Variants in GPR107 observed in about 807,000 individuals in gnomAD.
GPR107 encodes the protein G protein-coupled receptor 107, also known as protein GPR107.
A neutral mutation model predicts 75.5 loss-of-function variants in GPR107; 31 were observed. The ratio of observed to expected loss-of-function variants is 0.41; its 90% CI spans 0.31 to 0.55. GPR107 has a LOEUF of 0.55. GPR107 is among the 20% of genes least tolerant of loss of function. The pLI is 0.26. For missense variants in GPR107, 572 were observed against 665.7 expected (o/e 0.86, Z 1.55); for synonymous variants, 267 against 251.3 (o/e 1.06, Z -0.59).
intron 14 of GPR107, among the ~76,000 whole-genome samples, chr9:130,110,045 C>T (rs549418352): frequency 2.4e-4 from 37 of 152,264 alleles, no homozygotes; most frequent in African/African-American, 7.9e-4. Flanking sequence ...CGATCCTGCC[C>T]GTTGATGAAT....
At chr9:130,065,735 C>T (rs1374960964) in intron 1 of GPR107, among the ~76,000 whole-genome samples, 2 of 147,554 alleles carry the variant, frequency 1.4e-5, no homozygotes, top group Non-Finnish European at 3.0e-5. Flanking sequence ...CCCCTGCCCT[C>T]CAGCCTGGGT....
intron 9 of GPR107, among the ~76,000 whole-genome samples, chr9:130,097,061 CCTGTGGAT>C (rs1369688685): frequency 6.6e-6 from 1 of 152,202 alleles, no homozygotes; most frequent in Non-Finnish European, 1.5e-5. Flanking sequence ...CCAAAGATCC[CCTGTGGAT>C]CTGTGCAGCC....
intron 13 of GPR107, among the ~76,000 whole-genome samples, chr9:130,107,010 G>A (rs2132619298): frequency 6.6e-6 from 1 of 152,282 alleles, no homozygotes; most frequent in East Asian, 1.9e-4. Flanking sequence ...AGTGTCCCTG[G>A]AGGCTGGCAT....
intron 4 of GPR107, among the ~76,000 whole-genome samples, chr9:130,078,887 G>T (rs1830422732): frequency 6.6e-6 from 1 of 152,178 alleles, no homozygotes; most frequent in Non-Finnish European, 1.5e-5. Context: ...CATGAGAAGG[G>T]GGAAGGGTGG....
chr9:130,098,764 T>G (rs1295038297), intron 9 of GPR107, among the ~76,000 whole-genome samples: 1 of 152,120 alleles, frequency 6.6e-6, no homozygotes, highest in Non-Finnish European at 1.5e-5. Context: ...TCCCAGCACT[T>G]TGGGAGGCAG....
rs558801032 is a variant in GPR107, at chr9:130,112,540, T to G, written c.1306+5001T>G. On this transcript the variant is annotated intron_variant, in intron 14 of 17. Coordinates refer to ENST00000347136, the MANE Select transcript of GPR107 (RefSeq NM_020960.5). This position sits in a 1 kb window ranked among gnomAD's most constrained non-coding sequence, Gnocchi z 4.0. ...AGGGGGTGAAAAAGGCTCATATCACTTAAGAATGGTCTTGAAATAATAAAA... is the reference window on the plus strand; with the variant it reads ...AGGGGGTGAAAAAGGCTCATATCACGTAAGAATGGTCTTGAAATAATAAAA... Among the ~76,000 whole-genome samples, 21 of 152,276 alleles carry G rather than the reference T, an allele frequency of 1.4e-4. No individual in the cohort carries two copies. The highest frequency in any genetic ancestry group is 5.1e-4 in the African/African-American group (21 of 41,554).
chr9:130,091,749 G>A (rs1830744239), intron 8 of GPR107, among the ~76,000 whole-genome samples: 1 of 150,478 alleles, frequency 6.6e-6, no homozygotes. Context: ...AGGTTGGAGT[G>A]CAGTGGTGCA....
rs903350939 is a variant in GPR107, at chr9:130,112,398, A to G, written c.1306+4859A>G. The stretch of plus-strand genomic sequence containing the variant: ...GGTGTGAGTCTCTTGTGCTGTTGAC[A>G]TTTGCCTGATGGTGAAAAGCAATGA... On this transcript the variant is annotated intron_variant, in intron 14 of 17. Transcript: ENST00000347136. This position sits in a 1 kb window ranked among gnomAD's most constrained non-coding sequence, Gnocchi z 4.0. Among the ~76,000 whole-genome samples the G allele has an allele frequency of 2.6e-5, 4 of 152,144 alleles. No homozygotes were observed. Among genetic ancestry groups the G allele is most frequent in the Admixed American group, 1.3e-4 (2 of 15,268 alleles).
intron 9 of GPR107, among the ~76,000 whole-genome samples, chr9:130,093,725 A>G (rs1292161092): frequency 1.3e-5 from 2 of 151,830 alleles, no homozygotes; most frequent in African/African-American, 4.8e-5. Context: ...TCACACCTGT[A>G]ATCCCAGTGC....
intron 14 of GPR107, among the ~76,000 whole-genome samples, chr9:130,110,105 G>A (rs1355492472): frequency 6.6e-6 from 1 of 152,028 alleles, no homozygotes; most frequent in Non-Finnish European, 1.5e-5. Context: ...CTCCTGACTC[G>A]TCTACCTGTT....
At position 130,097,420 on chromosome 9, in the gene GPR107, G is replaced by A. The variant is rs544815598; in HGVS notation, c.864-2037G>A. ...TCCTCCCGCCTCGGCCTCCCAAAGT[G>A]CTGGGACTACAGGCATGAGCCACTG... On this transcript the variant is annotated intron_variant, in intron 9 of 17. Transcript: ENST00000347136. 3.3e-4 allele frequency among the ~76,000 whole-genome samples: 50 copies of A among 152,148 alleles called. 1 individual carries two copies. In the South Asian group the frequency reaches 0.01, roughly 31 times the overall value.
intron 1 of GPR107, among the ~76,000 whole-genome samples, chr9:130,063,344 C>T (rs1026291828): frequency 1.3e-5 from 2 of 152,140 alleles, no homozygotes; most frequent in Admixed American, 6.5e-5. Context: ...GCGTTTGCCA[C>T]CACATCCGGC....
intron 17 of GPR107, chr9:130,129,334 A>G (rs776429304): frequency 1.3e-5 from 2 of 152,326 alleles, no homozygotes; most frequent in Admixed American, 6.5e-5. Flanking sequence ...GATTAAGCAT[A>G]TTTGCTTGTT....
chr9:130,131,533 C>A (rs1554899086), intron 17 of GPR107, among the ~76,000 whole-genome samples: 1 of 152,130 alleles, frequency 6.6e-6, no homozygotes, highest in Non-Finnish European at 1.5e-5. Flanking sequence ...CCAGGACTCA[C>A]CCAAGCCCAG....
intron 9 of GPR107, among the ~76,000 whole-genome samples, chr9:130,097,082 C>T (rs1458008677): frequency 6.6e-6 from 1 of 152,098 alleles, no homozygotes; most frequent in East Asian, 1.9e-4. Context: ...GTGCAGCCTC[C>T]GAGCTGCAGT....
rs752113003 is a variant in GPR107, at chr9:130,076,429, C to T, written c.273C>T (p.Asp91=). Residue 91 remains aspartate (D), a synonymous_variant, in exon 3 of 18, where the codon GAC becomes GAT. Coordinates refer to ENST00000347136, the MANE Select transcript of GPR107 (RefSeq NM_020960.5). ...CCCATTAGATTGGATTTAGCCTAGA[C>T]CGTACAAAGAATGATGGCTTTTCTT... ...DKDVTIGFSL[D]RTKNDGFSSY... is the part of the protein sequence containing the mutation. 4 of 1,575,236 alleles carry T rather than the reference C, an allele frequency of 2.5e-6. No homozygotes were observed. Among genetic ancestry groups the T allele is most frequent in the South Asian group, 1.1e-5 (1 of 90,282 alleles).
intron 4 of GPR107, 75 bp downstream of exon 4, chr9:130,077,453 C>T: frequency 2.5e-6 from 2 of 801,424 alleles, no homozygotes; most frequent in Non-Finnish European, 4.5e-6. Flanking sequence ...GCTAACATTC[C>T]TTGGGTGTCT....
intron 17 of GPR107, chr9:130,133,132 T>A (rs1439541440): frequency 1.3e-5 from 2 of 152,218 alleles, no homozygotes; most frequent in Non-Finnish European, 2.9e-5. Flanking sequence ...GAAGACCATC[T>A]CTTCTCCTGG....
At chr9:130,065,860 G>A (rs981850249) in intron 1 of GPR107, among the ~76,000 whole-genome samples, 1 of 151,518 alleles carries the variant, frequency 6.6e-6, no homozygotes, top group African/African-American at 2.4e-5. Flanking sequence ...CAGTCGATCA[G>A]GACCCACCTG....
Sources: allele counts gnomAD v4.1 joint callset (sites outside exome capture counted in the v4.1 genomes callset), GRCh38; gene constraint gnomAD v4.1.1; non-coding constraint Gnocchi (gnomAD v3.1); transcripts MANE v1.5; gene names NCBI Gene and HGNC (gene_info 2026-07-23, HGNC 2026-07-21).